Variants in OTOF observed in about 807,000 individuals in gnomAD.
OTOF encodes fer-1-like family member 2.
OTOF carries 218 observed loss-of-function variants against 236.8 expected under a neutral mutation model. The ratio of observed to expected loss-of-function variants is 0.92; its 90% confidence interval spans 0.82 to 1.03. The LOEUF is 1.03. Among genes scored for constraint, OTOF ranks in the 50% least tolerant of loss-of-function variants. The pLI, the probability that OTOF is intolerant of heterozygous loss-of-function variation, is 0.00. For synonymous variants in OTOF, 1,041 were observed against 1,072.5 expected, an observed-to-expected ratio of 0.97 and a Z score of 0.57; for missense variants, 2,590 against 2,694.4, an observed-to-expected ratio of 0.96 and a Z score of 0.86.
rs1262323275 is a variant in OTOF, at chr2:26,537,937, T to C, written c.80-163A>G. On this transcript the variant is annotated intron_variant, in intron 1 of 46. Coordinates refer to ENST00000272371, the MANE Select transcript of OTOF (RefSeq NM_194248.3). ...TCTCCCAGGGTGAGGCCAGTCCCCA[T>C]GCGGCTTCTTCTCTGACCCTCTCAG... Among the ~76,000 whole-genome samples, 3 of 152,168 alleles carry C rather than the reference T, an allele frequency of 2.0e-5. No homozygotes were observed. The East Asian group carries it at 5.8e-4, about 29-fold the overall frequency.
intron 2 of OTOF, among the ~76,000 whole-genome samples, chr2:26,528,688 C>G (rs1280303516): frequency 6.6e-6 from 1 of 151,898 alleles, no homozygotes; most frequent in Non-Finnish European, 1.5e-5. Flanking sequence ...CTGTAAAAAG[C>G]TGCCAATGGG....
chr2:26,475,206 G>A (rs1665192410), intron 25 of OTOF, among the ~76,000 whole-genome samples, 153 bp downstream of exon 25: 1 of 152,238 alleles, frequency 6.6e-6, no homozygotes, highest in East Asian at 1.9e-4. Context: ...CTAGATGTCA[G>A]CCCCCACTCC....
At chr2:26,488,365 C>T (rs959948336) in intron 11 of OTOF, among the ~76,000 whole-genome samples, 2 of 152,204 alleles carry the variant, frequency 1.3e-5, no homozygotes, top group Admixed American at 1.3e-4. Flanking sequence ...CTGAGCAGTG[C>T]ATTCACTTCA....
chr2:26,480,995 G>T lies in OTOF; in HGVS notation c.1594C>A (p.Leu532Met). 2 of 1,612,888 alleles carry T rather than the reference G, an allele frequency of 1.2e-6. No homozygotes were observed. Among genetic ancestry groups the T allele is most frequent in the East Asian group, 4.5e-5 (2 of 44,880 alleles). The change falls in exon 15 of 47, where the codon CTG becomes ATG. Residue 532 changes from leucine to methionine, a missense_variant. Physicochemically the swap from Leu to Met is conservative, Grantham distance 15 (BLOSUM62 2). Coordinates refer to ENST00000272371, the MANE Select transcript of OTOF (RefSeq NM_194248.3). ...NDGDKGFLPTLGPAWVNMYGS... is the reference protein window; with the variant it reads ...NDGDKGFLPTMGPAWVNMYGS... ...TACATGTTCACCCAGGCTGGGCCCA[G>T]TGTGGGCAGGAAGCCTGTGGCAGTG...
chr2:26,534,084 C>G (rs1389058427), intron 2 of OTOF, among the ~76,000 whole-genome samples: 1 of 152,150 alleles, frequency 6.6e-6, no homozygotes, highest in African/African-American at 2.4e-5. Context: ...ACCATAGGTC[C>G]TGGAATCAGA....
chr2:26,461,627 C>G lies in OTOF; in HGVS notation c.5533+69G>C. 6.2e-7 allele frequency: 1 copy of G among 1,601,002 alleles called. No individual in the cohort carries two copies. The highest frequency in any genetic ancestry group is 8.5e-7 in the Non-Finnish European group (1 of 1,175,756). On this transcript the variant is annotated intron_variant, in intron 43 of 46. Transcript: ENST00000272371. This position sits in a 1 kb window ranked among gnomAD's most constrained non-coding sequence, Gnocchi z 6.2. Reference sequence around the variant, plus strand: ...CCCCCAAGGCAGGGCTCTCCCTGTCCCCGCCAACCCGGCCCCTGCCTCTTC... The same window carrying G: ...CCCCCAAGGCAGGGCTCTCCCTGTCGCCGCCAACCCGGCCCCTGCCTCTTC...
intron 2 of OTOF, among the ~76,000 whole-genome samples, chr2:26,533,012 C>A (rs534940008): frequency 2.0e-5 from 3 of 152,276 alleles, no homozygotes; most frequent in African/African-American, 7.2e-5. Flanking sequence ...CAGTACCAGT[C>A]CATGGCCTGT....
Position 26,477,045 on chromosome 2 carries a change from TG to T in OTOF, c.2524-3del, listed in dbSNP as rs749602190. ...GATGTCGGGAATGCTGTGCTGGGGC[TG>T]GGGGTTGGGGGGTGGCCAGGGGCAG... On this transcript the variant is annotated splice_polypyrimidine_tract_variant and splice_region_variant and intron_variant, in intron 21 of 46. Transcript: ENST00000272371. The surrounding 1 kb of genome is among the most constrained non-coding windows in gnomAD (Gnocchi z 4.7). 1 of 1,075,332 alleles carries T rather than the reference TG, an allele frequency of 9.3e-7. No individual in the cohort carries two copies. The allele number at this position is 1,075,332 out of a possible 1,614,324, so 66.6% of individuals were successfully genotyped here.
chr2:26,473,082 C>A lies in OTOF; in HGVS notation c.3733+50G>T. The A allele has an allele frequency of 1.3e-6, 2 of 1,580,572 alleles. No homozygotes were observed. The highest frequency in any genetic ancestry group is 1.1e-5 in the South Asian group (1 of 89,818). On this transcript the variant is annotated intron_variant, in intron 29 of 46. Coordinates refer to ENST00000272371, the MANE Select transcript of OTOF (RefSeq NM_194248.3). This position sits in a 1 kb window ranked among gnomAD's most constrained non-coding sequence, Gnocchi z 7.2. Reference sequence around the variant, plus strand: ...GACTGGGCGGAGACCTGGAGCCCTTCCCTGGGGGGCGTGGAGCCAGGCTTG... The same window carrying A: ...GACTGGGCGGAGACCTGGAGCCCTTACCTGGGGGGCGTGGAGCCAGGCTTG...
Position 26,470,614 on chromosome 2 carries a change from G to A in OTOF, c.4002C>T (p.Ala1334=). 1 of 1,614,148 alleles carries A rather than the reference G, an allele frequency of 6.2e-7. No homozygotes were observed. Among genetic ancestry groups the A allele is most frequent in the Non-Finnish European group, 8.5e-7 (1 of 1,180,032 alleles). ...SMLDWWSKYF[A]SIDTMKEQLR... ...TCACCTCCTTCATGGTGTCAATGGA[G>A]GCAAAGTACTTGGACCACCAGTCCA... Residue 1334 remains alanine (A), a synonymous_variant, in exon 32 of 47, where the codon GCC becomes GCT. Coordinates refer to ENST00000272371, the MANE Select transcript of OTOF (RefSeq NM_194248.3). This position sits in a 1 kb window ranked among gnomAD's most constrained non-coding sequence, Gnocchi z 4.3.
chr2:26,465,893 G>T (rs1418195025), intron 37 of OTOF, 51 bp from the exon 38 acceptor site: 1 of 1,614,090 alleles, frequency 6.2e-7, no homozygotes, highest in Non-Finnish European at 8.5e-7. Context: ...AGGGTGGGAG[G>T]TGTTCTGGGT....
intron 4 of OTOF, 42 bp downstream of exon 4, chr2:26,518,968 C>T (rs1281644937): frequency 7.3e-7 from 1 of 1,368,336 alleles, no homozygotes; most frequent in Non-Finnish European, 1.0e-6. Flanking sequence ...CCCCAGATGG[C>T]CCCATATGGG....
chr2:26,504,159 G>A (rs1666190831), intron 5 of OTOF, among the ~76,000 whole-genome samples: 1 of 152,070 alleles, frequency 6.6e-6, no homozygotes. Flanking sequence ...AGCTCCTCTG[G>A]GTCTTGGACT....
intron 2 of OTOF, 141 bp downstream of exon 2, chr2:26,537,575 G>A (rs914522252): frequency 6.1e-5 from 43 of 707,638 alleles, no homozygotes; most frequent in South Asian, 3.9e-4. Context: ...ACCTCCTTCA[G>A]GAAGCAGCTG....
At chr2:26,550,778 T>A (rs926763952) in intron 1 of OTOF, among the ~76,000 whole-genome samples, 12 of 152,166 alleles carry the variant, frequency 7.9e-5, no homozygotes, top group African/African-American at 2.9e-4. Flanking sequence ...CCAGTGTCCC[T>A]GCCCGCAGTC....
At chr2:26,472,720 G>C in intron 29 of OTOF, 71 bp from the exon 30 acceptor site, 3 of 1,523,836 alleles carry the variant, frequency 2.0e-6, no homozygotes, top group Non-Finnish European at 2.7e-6. Context: ...GGCGGGGCAG[G>C]AAGGTGCGGA....
In OTOF at chr2:26,461,672, C is replaced by A. The variant is rs549542437; in HGVS notation, c.5533+24G>T. The A allele has an allele frequency of 4.3e-5, 70 of 1,613,056 alleles. 1 individual carries two copies. In the South Asian group the frequency reaches 6.4e-4, roughly 15 times the overall value. ...CTCTTCTCAGTTCTGGATCCTGAAC[C>A]CCCATCCCTGCCCTGCTCTGCACCC... is the stretch of plus-strand genomic sequence containing the variant. On this transcript the variant is annotated intron_variant, in intron 43 of 46. Transcript: ENST00000272371. The surrounding 1 kb of genome is among the most constrained non-coding windows in gnomAD (Gnocchi z 6.2).
intron 13 of OTOF, among the ~76,000 whole-genome samples, chr2:26,482,942 C>T (rs1277353296): frequency 8.4e-6 from 1 of 119,460 alleles, no homozygotes; most frequent in Admixed American, 9.1e-5. Flanking sequence ...TGTATGTATT[C>T]GTGGGTGCAT....
At chr2:26,536,910 G>A (rs932222961) in intron 2 of OTOF, among the ~76,000 whole-genome samples, 2 of 152,186 alleles carry the variant, frequency 1.3e-5, no homozygotes, top group African/African-American at 4.8e-5. Context: ...GGCGGAGGAG[G>A]CCGCAGGCTG....
Sources: allele counts gnomAD v4.1 joint callset (sites outside exome capture counted in the v4.1 genomes callset), GRCh38; gene constraint gnomAD v4.1.1; non-coding constraint Gnocchi (gnomAD v3.1); transcripts MANE v1.5; gene names NCBI Gene and HGNC (gene_info 2026-07-23, HGNC 2026-07-21).